The following MME variants were observed in gnomAD, a reference collection of about 807,000 sequenced individuals.
MME encodes membrane metalloendopeptidase, also known as neprilysin.
Under a neutral mutation model 113.2 loss-of-function variants are expected in MME, and 98 were observed. The ratio of observed to expected loss-of-function variants is 0.87; its 90% CI spans 0.74 to 1.02. The LOEUF is 1.02. MME is among the 50% of genes least tolerant of loss of function. The pLI, the probability that MME is intolerant of heterozygous loss-of-function variation, is 0.00. For missense variants in MME, 836 were observed against 896.0 expected, an observed-to-expected ratio of 0.93 and a Z score of 0.86; for synonymous variants, 292 against 300.6, an observed-to-expected ratio of 0.97 and a Z score of 0.30.
rs149599199 is a variant in MME at position 155,039,023 on chromosome 3, T to A, written c.-11+14699T>A. On this transcript the variant is annotated intron_variant, in intron 1 of 22. Transcript: ENST00000492661. ...CATTGTATGGCAACAAACCATGTGA[T>A]TCATAAAACCATACTGTGATCTTCT... Among the ~76,000 whole-genome samples the A allele has an allele frequency of 4.4e-3, 668 of 152,292 alleles. 5 individuals carry two copies. The highest frequency in any genetic ancestry group is 0.015 in the East Asian group (80 of 5,168).
chr3:155,125,159 C>T (rs62277286), intron 8 of MME, among the ~76,000 whole-genome samples: 49,530 of 141,644 alleles, frequency 0.35, 9,308 homozygotes, highest in South Asian at 0.52. Context: ...GCGCAATATT[C>T]GGGTGGGAGT....
At position 155,115,173 on chromosome 3, in the gene MME, C is replaced by T. The variant is rs1334617188; in HGVS notation, c.358+18C>T. 3.7e-6 allele frequency: 6 copies of T among 1,612,982 alleles called. No homozygotes were observed. The South Asian group carries it at 5.5e-5, about 15-fold the overall frequency. ...TTTGAAAGGTTAGTAGAGATTGTGT[C>T]TGTGCATCAAAGATTTCTCTCTTAA... is the stretch of plus-strand genomic sequence containing the variant. On this transcript the variant is annotated intron_variant, in intron 4 of 22. Transcript: ENST00000360490.
chr3:155,143,156 T>C (rs539267957), intron 12 of MME, among the ~76,000 whole-genome samples: 1 of 152,278 alleles, frequency 6.6e-6, no homozygotes, highest in African/African-American at 2.4e-5. Context: ...GTTTGTGCAG[T>C]GGTTACAGTG....
At chr3:155,029,989 C>A (rs1712914558) in intron 1 of MME, among the ~76,000 whole-genome samples, 2 of 152,122 alleles carry the variant, frequency 1.3e-5, no homozygotes, top group Non-Finnish European at 2.9e-5. Flanking sequence ...AATAGTTTTT[C>A]TCTCCCTTTA....
At chr3:155,127,692 G>A (rs1719801598) in intron 8 of MME, among the ~76,000 whole-genome samples, 1 of 152,206 alleles carries the variant, frequency 6.6e-6, no homozygotes, top group Non-Finnish European at 1.5e-5. Flanking sequence ...AAATAACACA[G>A]TGGTGATCAA....
intron 9 of MME, among the ~76,000 whole-genome samples, chr3:155,139,670 C>T (rs904158669): frequency 2.0e-4 from 31 of 152,184 alleles, no homozygotes; most frequent in African/African-American, 7.5e-4. Flanking sequence ...TTGCCATTCT[C>T]AGATAACTTG....
chr3:155,145,284 G>A (rs1040207619), intron 14 of MME, among the ~76,000 whole-genome samples: 13 of 152,014 alleles, frequency 8.6e-5, no homozygotes, highest in South Asian at 4.2e-4. Flanking sequence ...GTTCTGGATC[G>A]GCATTTCCAA....
At chr3:155,141,852 A>G (rs1721112985) in intron 10 of MME, 139 bp from the exon 11 acceptor site, 2 of 920,836 alleles carry the variant, frequency 2.2e-6, no homozygotes, top group African/African-American at 1.7e-5. Context: ...ACTAGTTTTT[A>G]TTTAAAAACT....
At chr3:155,082,937 C>T (rs372060743) in intron 1 of MME, among the ~76,000 whole-genome samples, 13 of 152,238 alleles carry the variant, frequency 8.5e-5, no homozygotes, top group South Asian at 4.1e-4. Flanking sequence ...CATTTCTGAG[C>T]CGCCACTTCA....
At chr3:155,036,417 C>T (rs1035973648) in intron 1 of MME, among the ~76,000 whole-genome samples, 2 of 152,034 alleles carry the variant, frequency 1.3e-5, no homozygotes, top group Non-Finnish European at 2.9e-5. Flanking sequence ...TGAGTCCTGT[C>T]CCAGTCAATT....
At chr3:155,077,084 C>T (rs1024779392), upstream of MME, among the ~76,000 whole-genome samples, 3 of 152,180 alleles carry the variant, frequency 2.0e-5, no homozygotes, top group African/African-American at 7.2e-5. Flanking sequence ...CCCAGCAGGT[C>T]TCAGCCTTAT....
intron 1 of MME, among the ~76,000 whole-genome samples, chr3:155,063,256 T>TATGTATATTATTATATATTATATA (rs1559896622): frequency 9.5e-6 from 1 of 105,572 alleles, no homozygotes; most frequent in East Asian, 2.4e-4. Flanking sequence ...ATAATATACA[T>TATGTATATTATTATATATTATATA]ATAATGTATA....
intron 8 of MME, among the ~76,000 whole-genome samples, chr3:155,128,042 A>G (rs1429541126): frequency 6.6e-6 from 1 of 152,192 alleles, no homozygotes. Context: ...ACTTTTGGTG[A>G]CATCCTTCTT....
At chr3:155,078,312 T>C (rs1003269927), upstream of MME, among the ~76,000 whole-genome samples, 1 of 152,114 alleles carries the variant, frequency 6.6e-6, no homozygotes, top group African/African-American at 2.4e-5. Context: ...TATTTCGGGA[T>C]TGTTGTGAGG....
chr3:155,150,415 G>A (rs2108329386), intron 16 of MME, among the ~76,000 whole-genome samples: 1 of 152,206 alleles, frequency 6.6e-6, no homozygotes, highest in Non-Finnish European at 1.5e-5. Flanking sequence ...ATGAATGAAT[G>A]GTCAATAGCA....
intron 21 of MME, 56 bp downstream of exon 21, chr3:155,172,268 C>A: frequency 1.6e-6 from 2 of 1,238,946 alleles, no homozygotes; most frequent in Non-Finnish European, 2.4e-6. Flanking sequence ...TATAATTTCA[C>A]AGTAAGTTAG....
intron 1 of MME, among the ~76,000 whole-genome samples, chr3:155,058,464 G>A (rs1387354948): frequency 7.2e-5 from 11 of 152,178 alleles, no homozygotes; most frequent in Admixed American, 5.2e-4. Context: ...TATAAACATA[G>A]CACGTTAATG....
chr3:155,040,061 A>T (rs1258184308), intron 1 of MME, among the ~76,000 whole-genome samples: 1 of 152,214 alleles, frequency 6.6e-6, no homozygotes, highest in Non-Finnish European at 1.5e-5. Context: ...CTAAAAACAA[A>T]GGAGATGAAC....
At chr3:155,057,329 A>G (rs574001502) in intron 1 of MME, among the ~76,000 whole-genome samples, 1 of 152,108 alleles carries the variant, frequency 6.6e-6, no homozygotes, top group Non-Finnish European at 1.5e-5. Context: ...TTATGCAGCC[A>G]AAAAACACAT....
Sources: gnomAD v4.1 joint callset for allele counts (sites outside exome capture counted in the v4.1 genomes callset) on GRCh38, gnomAD v4.1.1 for gene constraint, MANE v1.5 for transcripts, NCBI Gene and HGNC (gene_info 2026-07-23, HGNC 2026-07-21) for gene names.